LRRFIP1: variants seen among roughly 807,000 people sequenced by gnomAD.
LRRFIP1 encodes the protein LRR binding FLII interacting protein 1.
A neutral mutation model predicts 104.4 loss-of-function variants in LRRFIP1; 62 were observed. The observed-to-expected ratio is 0.59, with a 90% confidence interval of 0.48 to 0.73. The LOEUF (loss-of-function observed/expected upper bound fraction) is 0.73. Among genes scored for constraint, LRRFIP1 ranks in the 30% least tolerant of loss-of-function variants. LRRFIP1 has a pLI of 0.00. For missense variants in LRRFIP1, 796 were observed against 824.5 expected, an observed-to-expected ratio of 0.97 and a Z score of 0.42; for synonymous variants, 300 against 299.0, an observed-to-expected ratio of 1.00 and a Z score of -0.03.
chr2:237,755,126 G>A (rs1030727478), intron 15 of LRRFIP1, among the ~76,000 whole-genome samples: 1 of 152,220 alleles, frequency 6.6e-6, no homozygotes, highest in African/African-American at 2.4e-5. Context: ...TCAGCAAAGT[G>A]AGTTGGGTCT....
chr2:237,758,690 C>A, intron 17 of LRRFIP1, 39 bp from the exon 18 acceptor site: 1 of 1,469,392 alleles, frequency 6.8e-7, no homozygotes, highest in Non-Finnish European at 9.5e-7. Context: ...CTCATCTGTG[C>A]AAATCTTCTT....
chr2:237,766,017 A>G lies in LRRFIP1; in HGVS notation c.1460-3926A>G, dbSNP rs992012427. ...ATCTGCTTGGGGGTTGCTGATTCCT[A>G]TTGGGGTTCCGTGGAAGACCCACGC... On this transcript the variant is annotated intron_variant, in intron 19 of 23. Transcript: ENST00000308482. The surrounding 1 kb of genome is among the most constrained non-coding windows in gnomAD (Gnocchi z 4.8). The G allele has an allele frequency of 2.7e-6, 2 of 734,866 alleles. No individual in the cohort carries two copies. Among genetic ancestry groups the G allele is most frequent in the Non-Finnish European group, 3.3e-6 (2 of 601,494 alleles). 45.5% of individuals were successfully genotyped at this position (734,866 alleles called of 1,614,324 possible).
Position 237,763,280 on chromosome 2 carries a change from G to A in LRRFIP1, c.1459+3075G>A, listed in dbSNP as rs199627419. On this transcript the variant is annotated intron_variant, in intron 19 of 23. Coordinates refer to ENST00000308482, the MANE Select transcript of LRRFIP1 (RefSeq NM_001137550.2). The stretch of plus-strand genomic sequence containing the variant: ...CAAGACAGAAGTTCCTGGTTCTCCA[G>A]CAGGAACTGAGGGCAACTGTCAGGA... The A allele has an allele frequency of 1.9e-5, 31 of 1,614,162 alleles. No individual in the cohort carries two copies. In the East Asian group the frequency reaches 6.0e-4, roughly 31 times the overall value.
intron 1 of LRRFIP1, among the ~76,000 whole-genome samples, chr2:237,666,775 C>CTCTCTT (rs1553627271): frequency 2.6e-4 from 17 of 65,326 alleles, no homozygotes; most frequent in South Asian, 1.5e-3. Flanking sequence ...CTCTCTTTCT[C>CTCTCTT]TCTGTCTCTT....
At chr2:237,738,919 C>T (rs2095333230) in intron 10 of LRRFIP1, among the ~76,000 whole-genome samples, 2 of 152,374 alleles carry the variant, frequency 1.3e-5, no homozygotes, top group African/African-American at 2.4e-5. Flanking sequence ...TCCACATCCA[C>T]GGGGTGACTT....
Position 237,692,484 on chromosome 2 carries a change from G to C in LRRFIP1, c.97-16060G>C. ...ACCAGCCCCGCGGCCGCTCAAAGCC[G>C]GGAGATCGACTGTTTGAGCCCGGAA... On this transcript the variant is annotated intron_variant, in intron 1 of 23. Transcript: ENST00000308482. 2.0e-6 allele frequency: 3 copies of C among 1,532,476 alleles called. No homozygotes were observed. In the South Asian group the frequency reaches 3.7e-5, roughly 19 times the overall value. The allele number at this position is 1,532,476 out of a possible 1,614,324, so 94.9% of individuals were successfully genotyped here.
At position 237,717,519 on chromosome 2, in the gene LRRFIP1, T is replaced by G. The variant is rs76617360; in HGVS notation, c.202-243T>G. Among the ~76,000 whole-genome samples the G allele has an allele frequency of 0.038, 5,736 of 152,288 alleles. 340 individuals are homozygous for G. The highest frequency in any genetic ancestry group is 0.13 in the African/African-American group (5,345 of 41,538). ...TGGGGAAGCTTCGTCCTGGGCTCTCTTGCTTTGCCGGGATGGGGTGGGCTG... is the reference window on the plus strand; with the variant it reads ...TGGGGAAGCTTCGTCCTGGGCTCTCGTGCTTTGCCGGGATGGGGTGGGCTG... On this transcript the variant is annotated intron_variant, in intron 3 of 23. Coordinates refer to ENST00000308482, the MANE Select transcript of LRRFIP1 (RefSeq NM_001137550.2). The surrounding 1 kb of genome is among the most constrained non-coding windows in gnomAD (Gnocchi z 4.2).
intron 1 of LRRFIP1, among the ~76,000 whole-genome samples, chr2:237,670,848 C>T (rs957212576): frequency 5.9e-5 from 9 of 152,200 alleles, no homozygotes; most frequent in Middle Eastern, 3.2e-3. Context: ...CACATGGAAG[C>T]GTGCCAGGCA....
At position 237,781,012 on chromosome 2, in the gene LRRFIP1, A is replaced by G. The variant is rs1371561771; in HGVS notation, c.*1480A>G. On this transcript the variant is annotated 3_prime_UTR_variant, in exon 24 of 24. Coordinates refer to ENST00000308482, the MANE Select transcript of LRRFIP1 (RefSeq NM_001137550.2). ...GCAGGTGGGCACCACTGGGAGACCC[A>G]CACTGCACACCCGGGCACCGTATGA... Among the ~76,000 whole-genome samples the G allele has an allele frequency of 1.3e-5, 2 of 152,194 alleles. No homozygotes were observed. The highest frequency in any genetic ancestry group is 4.8e-5 in the African/African-American group (2 of 41,444).
chr2:237,646,554 C>T (rs890804931), intron 1 of LRRFIP1, among the ~76,000 whole-genome samples: 4 of 151,914 alleles, frequency 2.6e-5, no homozygotes, highest in Non-Finnish European at 5.9e-5. Context: ...AGCCCGCATT[C>T]GTATTTTGAA....
rs2094072377 is a variant in LRRFIP1, at chr2:237,711,324, C to A, written c.183+2694C>A. 6.6e-6 allele frequency among the ~76,000 whole-genome samples: 1 copy of A among 151,690 alleles called. No individual in the cohort carries two copies. ...GGCATTCACATTTTGAAATTCTTCT[C>A]CCTACAGCATGGTTTTATCATAAAG... On this transcript the variant is annotated intron_variant, in intron 2 of 23. Transcript: ENST00000308482. This position sits in a 1 kb window ranked among gnomAD's most constrained non-coding sequence, Gnocchi z 4.4.
intron 16 of LRRFIP1, 27 bp from the exon 17 acceptor site, chr2:237,757,429 C>T: frequency 6.7e-7 from 1 of 1,500,010 alleles, no homozygotes; most frequent in Non-Finnish European, 9.1e-7. Context: ...AACCCTTTAT[C>T]TGCTTTCTGT....
intron 3 of LRRFIP1, among the ~76,000 whole-genome samples, chr2:237,715,884 T>C (rs952497767): frequency 1.3e-5 from 2 of 152,218 alleles, no homozygotes; most frequent in African/African-American, 4.8e-5. Flanking sequence ...GCACTTGCTG[T>C]TACTAGGGGC....
At chr2:237,757,660 CCCA>C in intron 17 of LRRFIP1, 112 bp downstream of exon 17, 2 of 706,806 alleles carry the variant, frequency 2.8e-6, no homozygotes, top group Non-Finnish European at 5.0e-6. Flanking sequence ...GCATGCAACT[CCCA>C]CGTGACACAA....
At chr2:237,775,179 C>T (rs2060975035) in intron 23 of LRRFIP1, among the ~76,000 whole-genome samples, 1 of 152,162 alleles carries the variant, frequency 6.6e-6, no homozygotes, top group Non-Finnish European at 1.5e-5. Flanking sequence ...GCGGAATGGC[C>T]CAGGCCAGGG....
intron 1 of LRRFIP1, among the ~76,000 whole-genome samples, chr2:237,646,610 A>G (rs2084949324): frequency 6.6e-6 from 1 of 151,916 alleles, no homozygotes; most frequent in Non-Finnish European, 1.5e-5. Flanking sequence ...GGTCTCTAAG[A>G]AAGTAATTAA....
intron 15 of LRRFIP1, among the ~76,000 whole-genome samples, chr2:237,753,809 AG>A (rs764624709): frequency 2.0e-4 from 26 of 128,708 alleles, no homozygotes; most frequent in African/African-American, 7.8e-4. Context: ...AAAAAAAAAA[AG>A]GGAATGGTAG....
chr2:237,700,553 A>G (rs528378549), intron 1 of LRRFIP1, among the ~76,000 whole-genome samples: 3 of 152,216 alleles, frequency 2.0e-5, no homozygotes, highest in African/African-American at 7.2e-5. Context: ...GAATGTGTGT[A>G]ATTAATAGGA....
intron 1 of LRRFIP1, among the ~76,000 whole-genome samples, chr2:237,676,130 A>G (rs1575388891): frequency 6.6e-6 from 1 of 152,148 alleles, no homozygotes; most frequent in East Asian, 1.9e-4. Context: ...TGACTCCCCA[A>G]ATTCACAGAG....
Sources: gnomAD v4.1 joint callset for allele counts (sites outside exome capture counted in the v4.1 genomes callset) on GRCh38, gnomAD v4.1.1 for gene constraint, Gnocchi (gnomAD v3.1) non-coding constraint, MANE v1.5 for transcripts, NCBI Gene and HGNC (gene_info 2026-07-23, HGNC 2026-07-21) for gene names.